The following ASCC1 variants were observed in gnomAD, a reference collection of about 807,000 sequenced individuals.
ASCC1 encodes the protein ASC-1 complex subunit P50.
ASCC1 carries 35 observed loss-of-function variants against 46.6 expected under a neutral mutation model. The ratio of observed to expected loss-of-function variants is 0.75; its 90% CI spans 0.57 to 0.99. The LOEUF is 0.99. Among genes scored for constraint, ASCC1 ranks in the 50% least tolerant of loss-of-function variants. ASCC1 has a pLI of 0.00. For missense variants in ASCC1, 376 were observed against 428.7 expected, an observed-to-expected ratio of 0.88 and a Z score of 1.09; for synonymous variants, 143 against 146.6, an observed-to-expected ratio of 0.98 and a Z score of 0.18.
At chr10:72,192,550 G>C (rs1159978729) in intron 5 of ASCC1, among the ~76,000 whole-genome samples, 1 of 152,134 alleles carries the variant, frequency 6.6e-6, no homozygotes, top group Non-Finnish European at 1.5e-5. Context: ...CTGGAGTGCA[G>C]TGGCACCATC....
At chr10:72,120,897 T>C (rs964229465) in intron 9 of ASCC1, among the ~76,000 whole-genome samples, 1 of 151,904 alleles carries the variant, frequency 6.6e-6, no homozygotes, top group African/African-American at 2.4e-5. Context: ...AAAAAGAAAT[T>C]ATATATAATG....
rs1405860236 is a variant in ASCC1, at chr10:72,096,625, T to TATTAGCACTAC, written c.*698_*708dup. 4.4e-6 allele frequency: 2 copies of TATTAGCACTAC among 453,962 alleles called. No homozygotes were observed. The highest frequency in any genetic ancestry group is 4.0e-5 in the African/African-American group (2 of 50,022). 28.1% of individuals were successfully genotyped at this position (453,962 alleles called of 1,614,324 possible). On this transcript the variant is annotated 3_prime_UTR_variant, in exon 10 of 10. Transcript: ENST00000672957. ...AGAGATATTTGCACCCCCGTGTCTG[T>TATTAGCACTAC]ATTAGCACTACTCCCAATAGTCAAG... is the stretch of plus-strand genomic sequence containing the variant.
At chr10:72,104,048 A>C (rs1842084688) in intron 9 of ASCC1, among the ~76,000 whole-genome samples, 2 of 152,300 alleles carry the variant, frequency 1.3e-5, no homozygotes, top group Non-Finnish European at 2.9e-5. Flanking sequence ...CAGGGGCCTC[A>C]GCCATGAACC....
At chr10:72,164,136 G>C (rs1464955773) in intron 5 of ASCC1, among the ~76,000 whole-genome samples, 1 of 151,664 alleles carries the variant, frequency 6.6e-6, no homozygotes, top group African/African-American at 2.4e-5. Flanking sequence ...CTAATTTTTT[G>C]ATTTTTTGTA....
At chr10:72,168,178 G>A (rs1850611679) in intron 5 of ASCC1, among the ~76,000 whole-genome samples, 1 of 152,012 alleles carries the variant, frequency 6.6e-6, no homozygotes, top group African/African-American at 2.4e-5. Context: ...GTGACAGAGC[G>A]AGACTCCATC....
At chr10:72,176,527 T>C (rs1225849030) in intron 5 of ASCC1, among the ~76,000 whole-genome samples, 1 of 151,934 alleles carries the variant, frequency 6.6e-6, no homozygotes, top group African/African-American at 2.4e-5. Context: ...TTATTTTTTG[T>C]GGACACAGAG....
intron 5 of ASCC1, among the ~76,000 whole-genome samples, chr10:72,185,162 C>T (rs980929618): frequency 6.6e-6 from 1 of 152,204 alleles, no homozygotes; most frequent in African/African-American, 2.4e-5. Flanking sequence ...CCTAAACTCT[C>T]ACACATCATT....
intron 5 of ASCC1, among the ~76,000 whole-genome samples, chr10:72,168,582 A>T (rs1372884964): frequency 6.6e-6 from 1 of 152,208 alleles, no homozygotes; most frequent in Non-Finnish European, 1.5e-5. Flanking sequence ...TCTAGACTGA[A>T]TTGTGTGCCC....
intron 7 of ASCC1, among the ~76,000 whole-genome samples, chr10:72,139,481 A>G (rs1846713241): frequency 6.6e-6 from 1 of 152,182 alleles, no homozygotes; most frequent in African/African-American, 2.4e-5. Context: ...ATAAATCACA[A>G]AGCTTCTCTA....
chr10:72,203,715 A>G (rs1387721140), intron 3 of ASCC1, among the ~76,000 whole-genome samples, 191 bp from the exon 4 acceptor site: 1 of 152,238 alleles, frequency 6.6e-6, no homozygotes, highest in Non-Finnish European at 1.5e-5. Flanking sequence ...ATTGGCAAAG[A>G]TGAGTTTTTG....
intron 6 of ASCC1, among the ~76,000 whole-genome samples, chr10:72,155,221 C>T (rs971702667): frequency 6.6e-6 from 1 of 152,088 alleles, no homozygotes; most frequent in Non-Finnish European, 1.5e-5. Flanking sequence ...AACTGCACTG[C>T]GTATCCTTTG....
At chr10:72,180,997 C>T (rs1852519778) in intron 5 of ASCC1, 1 of 158,836 alleles carries the variant, frequency 6.3e-6, no homozygotes, top group Non-Finnish European at 1.4e-5. Context: ...GACAGAGTCT[C>T]ACTCTGTCAC....
In ASCC1 at chr10:72,125,226, T is replaced by C. The variant is rs560558421; in HGVS notation, c.957+2856A>G. On this transcript the variant is annotated intron_variant, in intron 9 of 9. Coordinates refer to ENST00000672957, the MANE Select transcript of ASCC1 (RefSeq NM_001198800.3). ...GACTTTCTTTCTTGTTTTGTTTCTC[T>C]TTGAATAGTAGATGAAGTTGATTTT... 3.3e-5 allele frequency among the ~76,000 whole-genome samples: 5 copies of C among 152,252 alleles called. No individual in the cohort carries two copies. The South Asian group carries it at 6.2e-4, about 19-fold the overall frequency.
intron 2 of ASCC1, among the ~76,000 whole-genome samples, chr10:72,212,875 T>C (rs1468280748): frequency 6.6e-6 from 1 of 151,936 alleles, no homozygotes; most frequent in East Asian, 1.9e-4. Context: ...TTAATAATAA[T>C]AATTACAACT....
intron 9 of ASCC1, among the ~76,000 whole-genome samples, chr10:72,111,594 T>C (rs887534152): frequency 6.6e-6 from 1 of 152,180 alleles, no homozygotes; most frequent in Non-Finnish European, 1.5e-5. Context: ...AATGTTCACA[T>C]TTGAGTATTA....
intron 6 of ASCC1, among the ~76,000 whole-genome samples, chr10:72,157,304 C>T (rs754261089): frequency 3.3e-5 from 5 of 152,090 alleles, no homozygotes; most frequent in Non-Finnish European, 7.4e-5. Flanking sequence ...AAGATTGCCA[C>T]TGAATCCTAT....
At position 72,152,990 on chromosome 10, in the gene ASCC1, T is replaced by G; in HGVS notation, c.627-2A>C. Reference sequence around the variant, plus strand: ...AGGGGTTTACCCCCAGAAATATCACTGCAAAGGAAAAAGCATTAAGATATC... The same window carrying G: ...AGGGGTTTACCCCCAGAAATATCACGGCAAAGGAAAAAGCATTAAGATATC... On this transcript the variant is annotated splice_acceptor_variant, in intron 6 of 9. Transcript: ENST00000672957. LOFTEE classifies it high-confidence loss of function. 1 of 1,614,054 alleles carries G rather than the reference T, an allele frequency of 6.2e-7. No individual in the cohort carries two copies. Among genetic ancestry groups the G allele is most frequent in the South Asian group, 1.1e-5 (1 of 91,084 alleles).
At chr10:72,180,125 A>C (rs1226849859) in intron 5 of ASCC1, among the ~76,000 whole-genome samples, 1 of 152,040 alleles carries the variant, frequency 6.6e-6, no homozygotes, top group Non-Finnish European at 1.5e-5. Flanking sequence ...AAAAATATAC[A>C]AAAATTAGCC....
chr10:72,160,504 C>T (rs1440676101), intron 6 of ASCC1, among the ~76,000 whole-genome samples: 1 of 151,992 alleles, frequency 6.6e-6, no homozygotes, highest in Non-Finnish European at 1.5e-5. Flanking sequence ...AATAACAACT[C>T]TGCCCTCAGA....
Sources: gnomAD v4.1 joint callset for allele counts (sites outside exome capture counted in the v4.1 genomes callset) on GRCh38, gnomAD v4.1.1 for gene constraint, MANE v1.5 for transcripts, NCBI Gene and HGNC (gene_info 2026-07-23, HGNC 2026-07-21) for gene names.